Variants in KCNC4 observed in about 807,000 individuals in gnomAD.
The protein encoded by KCNC4 is voltage-gated potassium channel KCNC4.
Under a neutral mutation model 42.8 loss-of-function variants are expected in KCNC4, and 23 were observed. The observed-to-expected ratio is 0.54, with a 90% CI of 0.39 to 0.76. KCNC4 has a LOEUF of 0.76. Among genes scored for constraint, KCNC4 ranks in the 30% least tolerant of loss-of-function variants. KCNC4 has a pLI of 0.00. For missense variants in KCNC4, 751 were observed against 898.2 expected, an observed-to-expected ratio of 0.84 and a Z score of 2.10; for synonymous variants, 422 against 393.5, an observed-to-expected ratio of 1.07 and a Z score of -0.86.
Position 110,281,591 on chromosome 1 carries a change from T to C in KCNC4, n.31-943T>C, listed in dbSNP as rs371911942. 2.3e-3 allele frequency among the ~76,000 whole-genome samples: 178 copies of C among 78,286 alleles called. No individual in the cohort carries two copies. The Middle Eastern group carries it at 0.081, about 36-fold the overall frequency. The allele number at this position is 78,286 out of a possible 152,430, so 51.4% of individuals were successfully genotyped here. A position where few individuals can be genotyped will look rare whatever the true frequency, so the allele number is the denominator to read the frequency against. On this transcript the variant is annotated intron_variant and non_coding_transcript_variant, in intron 1 of 2. Transcript: ENST00000412512. ...ACACACACACACACACACACACACA[T>C]ACTGCACTTACAGCTCAGGAGCTGG...
At chr1:110,213,940 A>C (rs1657643016) in intron 1 of KCNC4, among the ~76,000 whole-genome samples, 2 of 152,206 alleles carry the variant, frequency 1.3e-5, no homozygotes, top group Non-Finnish European at 2.9e-5. Context: ...TAGGGGAGCT[A>C]GGCCCTATTT....
chr1:110,244,725 T>G (rs1231669708), exon 4 of KCNC4: 6 of 152,258 alleles, frequency 3.9e-5, no homozygotes, highest in Non-Finnish European at 7.3e-5. Context: ...GTCTGCACTG[T>G]GGGGCATTTG....
At chr1:110,243,883 A>T (rs1051392647) in exon 4 of KCNC4, 1 of 152,310 alleles carries the variant, frequency 6.6e-6, no homozygotes, top group Non-Finnish European at 1.5e-5. Context: ...AATGCAAGGC[A>T]GAAGTGGCTC....
downstream of KCNC4, among the ~76,000 whole-genome samples, chr1:110,253,633 T>C (rs1659280070): frequency 6.6e-6 from 1 of 152,102 alleles, no homozygotes; most frequent in South Asian, 2.1e-4. Flanking sequence ...TGATCCTGAG[T>C]CTAGGGCTCT....
intron 1 of KCNC4, among the ~76,000 whole-genome samples, chr1:110,265,083 G>GA (rs34254003): frequency 1.6e-3 from 179 of 113,392 alleles, no homozygotes; most frequent in Non-Finnish European, 1.9e-3. Flanking sequence ...CTCTGTCTCA[G>GA]AAAAAAAAAA....
chr1:110,267,648 T>C (rs977730200), intron 1 of KCNC4, among the ~76,000 whole-genome samples: 8 of 152,226 alleles, frequency 5.3e-5, no homozygotes, highest in Non-Finnish European at 1.2e-4. Flanking sequence ...CTCTACATTC[T>C]GTCATTCTTA....
chr1:110,217,061 T>A (rs533025608), intron 1 of KCNC4, among the ~76,000 whole-genome samples: 1 of 152,176 alleles, frequency 6.6e-6, no homozygotes. Context: ...CATACACATG[T>A]GGGGTTCTAG....
At chr1:110,264,121 G>A (rs1659500161) in intron 1 of KCNC4, among the ~76,000 whole-genome samples, 2 of 152,208 alleles carry the variant, frequency 1.3e-5, no homozygotes, top group South Asian at 4.1e-4. Context: ...GGCATTTATT[G>A]TAGGGCACCA....
At chr1:110,220,911 C>G (rs1658061832) in intron 1 of KCNC4, 1 of 152,186 alleles carries the variant, frequency 6.6e-6, no homozygotes. Flanking sequence ...GGAAAAACTC[C>G]AGCAGTGTCG....
intron 3 of KCNC4, among the ~76,000 whole-genome samples, chr1:110,231,532 A>G (rs1481593418): frequency 2.5e-5 from 3 of 118,646 alleles, no homozygotes; most frequent in Non-Finnish European, 3.4e-5. Flanking sequence ...CTCATCCTAG[A>G]CCCATCCTAG....
chr1:110,247,122 A>G (rs1457915456), exon 4 of KCNC4: 2 of 151,902 alleles, frequency 1.3e-5, no homozygotes, highest in East Asian at 1.9e-4. Flanking sequence ...GTGTATGTGT[A>G]TCACATTTTC....
Position 110,223,658 on chromosome 1 carries a change from T to C in KCNC4, c.1373T>C (p.Leu458Pro), listed in dbSNP as rs1364853466. ...ATGCTGGTAGGGGCACTGTGTGCAC[T>C]GGCTGGCGTGCTCACCATCGCCATG... ...SGMLVGALCA[L>P]AGVLTIAMPV... The change falls in exon 2 of 4, where the codon CTG (leucine) becomes CCG (proline). Residue 458 changes from leucine to proline, a missense_variant. Physicochemically the swap from Leu to Pro is moderately conservative, Grantham distance 98. Coordinates refer to ENST00000438661, the MANE Select transcript of KCNC4 (RefSeq NM_001039574.3). This position sits in a 1 kb window ranked among gnomAD's most constrained non-coding sequence, Gnocchi z 7.5. 1.2e-6 allele frequency: 2 copies of C among 1,613,880 alleles called. No individual in the cohort carries two copies. The highest frequency in any genetic ancestry group is 2.2e-5 in the East Asian group (1 of 44,888).
Position 110,212,132 on chromosome 1 carries a change from C to A in KCNC4, c.633C>A (p.Arg211=). Residue 211 remains arginine (R), a synonymous_variant, in exon 1 of 4, where the codon CGC becomes CGA. Transcript: ENST00000438661. ...GGGGCTGCCGCGGCTGGCAGCCCCG[C>A]ATGTGGGCGCTCTTCGAGGATCCCT... The part of the protein sequence containing the change: ...GSGGCRGWQP[R]MWALFEDPYS... 6.6e-7 allele frequency: 1 copy of A among 1,506,054 alleles called. No homozygotes were observed. The allele number at this position is 1,506,054 out of a possible 1,614,324, so 93.3% of individuals were successfully genotyped here.
At chr1:110,280,240 C>T (rs559163262) in intron 1 of KCNC4, among the ~76,000 whole-genome samples, 2 of 152,184 alleles carry the variant, frequency 1.3e-5, no homozygotes, top group East Asian at 1.9e-4. Context: ...AGCTAGAGGG[C>T]GACTAAGTTC....
chr1:110,261,483 C>A (rs1051439625), intron 1 of KCNC4, among the ~76,000 whole-genome samples: 2 of 152,136 alleles, frequency 1.3e-5, no homozygotes, highest in Non-Finnish European at 2.9e-5. Flanking sequence ...GGATTTGCTA[C>A]ATTTTGTTGA....
exon 4 of KCNC4, chr1:110,242,636 A>T (rs987594363): frequency 2.6e-5 from 4 of 152,236 alleles, no homozygotes. Flanking sequence ...CTCTCTGTCG[A>T]GGACTTGGGT....
intron 3 of KCNC4, among the ~76,000 whole-genome samples, chr1:110,227,723 C>T (rs1218133392): frequency 6.6e-6 from 1 of 151,838 alleles, no homozygotes; most frequent in African/African-American, 2.4e-5. Context: ...CTCGAGCACA[C>T]AGAGCTGAGT....
intron 1 of KCNC4, among the ~76,000 whole-genome samples, chr1:110,278,464 C>T (rs1055321780): frequency 2.6e-5 from 4 of 152,150 alleles, no homozygotes; most frequent in East Asian, 1.9e-4. Flanking sequence ...TGCACAGGCT[C>T]TGTGTGCCCC....
At chr1:110,255,672 C>G (rs779637029) in intron 1 of KCNC4, among the ~76,000 whole-genome samples, 3 of 152,140 alleles carry the variant, frequency 2.0e-5, no homozygotes, top group African/African-American at 7.2e-5. Context: ...CCAGGACAAC[C>G]GAACTTCCTC....
Sources: gnomAD v4.1 joint callset for allele counts (sites outside exome capture counted in the v4.1 genomes callset) on GRCh38, gnomAD v4.1.1 for gene constraint, Gnocchi (gnomAD v3.1) non-coding constraint, MANE v1.5 for transcripts, NCBI Gene and HGNC (gene_info 2026-07-23, HGNC 2026-07-21) for gene names.